AKAIN1: variants seen among roughly 807,000 people sequenced by gnomAD.
AKAIN1 encodes A-kinase anchor inhibitor 1, also known as A-kinase anchor protein inhibitor 1.
A neutral mutation model predicts 3.7 loss-of-function variants in AKAIN1; 3 were observed. The observed-to-expected ratio is 0.82, with a 90% CI of 0.37 to 2.12. The LOEUF is 2.12. AKAIN1 is among the 30% of genes most tolerant of loss of function. The pLI is 0.06. For missense variants in AKAIN1, 82 were observed against 82.7 expected (o/e 0.99, Z 0.03); for synonymous variants, 31 against 30.8 (o/e 1.01, Z -0.02).
At chr18:5,192,908 ACT>A (rs2143040830) in intron 1 of AKAIN1, among the ~76,000 whole-genome samples, 1 of 152,246 alleles carries the variant, frequency 6.6e-6, no homozygotes, top group African/African-American at 2.4e-5. Context: ...AACTCATATA[ACT>A]CTATGCCAAA....
chr18:5,184,955 C>T (rs972424261), intron 1 of AKAIN1, among the ~76,000 whole-genome samples: 2 of 152,174 alleles, frequency 1.3e-5, no homozygotes, highest in Admixed American at 6.6e-5. Context: ...TACTACAAGG[C>T]TGCAAATAAC....
chr18:5,152,050 T>G (rs1361624115), intron 1 of AKAIN1, among the ~76,000 whole-genome samples: 7 of 152,312 alleles, frequency 4.6e-5, no homozygotes, highest in African/African-American at 1.7e-4. Flanking sequence ...CTATGTCATG[T>G]GCTATGAAGG....
intron 1 of AKAIN1, among the ~76,000 whole-genome samples, chr18:5,182,737 C>T (rs763332848): frequency 2.0e-5 from 3 of 152,044 alleles, no homozygotes; most frequent in Non-Finnish European, 4.4e-5. Flanking sequence ...CTACAAAGCA[C>T]GGTGTGAATT....
chr18:5,165,895 G>A (rs1005305516), intron 1 of AKAIN1, among the ~76,000 whole-genome samples: 12 of 151,994 alleles, frequency 7.9e-5, no homozygotes, highest in Non-Finnish European at 7.4e-5. Context: ...ACACTGGGCT[G>A]AGAATAAAGT....
intron 1 of AKAIN1, among the ~76,000 whole-genome samples, chr18:5,181,855 G>A (rs997676879): frequency 6.6e-6 from 1 of 152,058 alleles, no homozygotes; most frequent in African/African-American, 2.4e-5. Flanking sequence ...TAAGACCACA[G>A]GATGGTAATG....
chr18:5,174,048 T>C (rs292327), intron 1 of AKAIN1, among the ~76,000 whole-genome samples: 90,941 of 151,960 alleles, frequency 0.6, 27,841 homozygotes, highest in African/African-American at 0.73. Context: ...GCTCTTTGCT[T>C]CCTGCCCTGG....
chr18:5,194,871 C>T (rs935350633), intron 1 of AKAIN1, among the ~76,000 whole-genome samples: 2 of 152,104 alleles, frequency 1.3e-5, no homozygotes, highest in Admixed American at 1.3e-4. Flanking sequence ...GAGTGTATTT[C>T]CTTTAACTAG....
chr18:5,182,205 A>T (rs2071262218), intron 1 of AKAIN1, among the ~76,000 whole-genome samples: 1 of 152,124 alleles, frequency 6.6e-6, no homozygotes, highest in Non-Finnish European at 1.5e-5. Context: ...TAATGTCTGC[A>T]CAGGTAACAT....
At chr18:5,167,561 T>C (rs1369062004) in intron 1 of AKAIN1, among the ~76,000 whole-genome samples, 1 of 152,068 alleles carries the variant, frequency 6.6e-6, no homozygotes, top group East Asian at 1.9e-4. Flanking sequence ...TATCGTCCCC[T>C]CAAGAGCTTA....
At chr18:5,197,275 GGGA>G (rs771115854), upstream of AKAIN1, 209 of 1,372,888 alleles carry the variant, frequency 1.5e-4, no homozygotes, top group Admixed American at 4.5e-4. This position sits in a 1 kb window ranked among gnomAD's most constrained non-coding sequence, Gnocchi z 6.9. Flanking sequence ...CAGCGGCGGC[GGGA>G]GGAGGAGGGT....
chr18:5,194,690 T>C (rs1195712247), intron 1 of AKAIN1, among the ~76,000 whole-genome samples: 1 of 152,204 alleles, frequency 6.6e-6, no homozygotes, highest in Non-Finnish European at 1.5e-5. Context: ...ACAATGTGTT[T>C]TGAAGGGCAC....
intron 1 of AKAIN1, chr18:5,171,167 A>G (rs1383869471): frequency 6.6e-6 from 1 of 152,170 alleles, no homozygotes; most frequent in African/African-American, 2.4e-5. Context: ...TTTTCTCTTC[A>G]TTTTACACAT....
intron 1 of AKAIN1, among the ~76,000 whole-genome samples, chr18:5,196,282 C>A (rs1404539068): frequency 1.3e-5 from 2 of 152,238 alleles, no homozygotes; most frequent in African/African-American, 4.8e-5. Flanking sequence ...TTCCCCGCTT[C>A]CTCGATTAGC....
intron 1 of AKAIN1, among the ~76,000 whole-genome samples, chr18:5,180,536 C>T (rs2071252022): frequency 6.6e-6 from 1 of 152,148 alleles, no homozygotes; most frequent in Admixed American, 6.6e-5. Flanking sequence ...AGAAGCCTTA[C>T]ATGTTGTGCT....
intron 1 of AKAIN1, among the ~76,000 whole-genome samples, chr18:5,149,487 A>G (rs1567870909): frequency 6.6e-6 from 1 of 152,120 alleles, no homozygotes; most frequent in East Asian, 1.9e-4. Context: ...TATTGGAAAA[A>G]TCCAGTATAC....
Position 5,143,006 on chromosome 18 carries a change from C to A in AKAIN1, c.*2556G>T, listed in dbSNP as rs959212698. 1.3e-5 allele frequency among the ~76,000 whole-genome samples: 2 copies of A among 152,126 alleles called. No individual in the cohort carries two copies. The highest frequency in any genetic ancestry group is 2.9e-5 in the Non-Finnish European group (2 of 68,022). ...TCTTTAGATCCACCCTAGGGGCAGG[C>A]AACAGAGAAGACGAACAGCTGAACA... On this transcript the variant is annotated 3_prime_UTR_variant, in exon 2 of 2. Coordinates refer to ENST00000434239, the MANE Select transcript of AKAIN1 (RefSeq NM_001145194.2).
In AKAIN1 at chr18:5,145,485, G is replaced by T; in HGVS notation, c.*77C>A. ...GGTGACACTTCGGTTTGCTTTACTG[G>T]CAACATTTTGGAGATGCGTCCTATA... On this transcript the variant is annotated 3_prime_UTR_variant, in exon 2 of 2. Coordinates refer to ENST00000434239, the MANE Select transcript of AKAIN1 (RefSeq NM_001145194.2). 1.6e-6 allele frequency: 2 copies of T among 1,246,752 alleles called. No individual in the cohort carries two copies. Among genetic ancestry groups the T allele is most frequent in the Non-Finnish European group, 2.2e-6 (2 of 894,446 alleles). The allele number at this position is 1,246,752 out of a possible 1,614,324, so 77.2% of individuals were successfully genotyped here. A position where few individuals can be genotyped will look rare whatever the true frequency, so the allele number is the denominator to read the frequency against.
rs536117355 is a variant in AKAIN1, at chr18:5,192,724, A to G, written c.16+4314T>C. The stretch of plus-strand genomic sequence containing the variant: ...TAAAACTTGGTATGGTTTCATTTAT[A>G]CAACAGTCTGAAAAGGCAAATCCAT... On this transcript the variant is annotated intron_variant, in intron 1 of 1. Transcript: ENST00000434239. Among the ~76,000 whole-genome samples, 76 of 152,204 alleles carry G rather than the reference A, an allele frequency of 5.0e-4. 3 individuals carry two copies. Among genetic ancestry groups the G allele is most frequent in the Middle Eastern group, 6.8e-3 (2 of 294 alleles).
At chr18:5,169,190 G>A (rs1023704430) in intron 1 of AKAIN1, among the ~76,000 whole-genome samples, 9 of 151,924 alleles carry the variant, frequency 5.9e-5, no homozygotes, top group Non-Finnish European at 8.8e-5. Flanking sequence ...GGGAAACCTC[G>A]GTCTTTGCTC....
Sources: allele counts gnomAD v4.1 joint callset (sites outside exome capture counted in the v4.1 genomes callset), GRCh38; gene constraint gnomAD v4.1.1; non-coding constraint Gnocchi (gnomAD v3.1); transcripts MANE v1.5; gene names NCBI Gene and HGNC (gene_info 2026-07-23, HGNC 2026-07-21).